The following NECTIN3 variants were observed in gnomAD, a reference collection of about 807,000 sequenced individuals.
The protein encoded by NECTIN3 is nectin cell adhesion molecule 3, also known as nectin-3.
NECTIN3 carries 8 observed loss-of-function variants against 49.4 expected under a neutral mutation model. That is an observed-to-expected ratio of 0.16 (90% confidence interval 0.10 to 0.29). The LOEUF is 0.29. NECTIN3 is among the 10% of genes least tolerant of loss of function. The pLI is 1.00. For synonymous variants in NECTIN3, 277 were observed against 241.1 expected (o/e 1.15, Z -1.38); for missense variants, 581 against 654.6 (o/e 0.89, Z 1.23).
chr3:111,143,066 A>G (rs577944259), intron 5 of NECTIN3, among the ~76,000 whole-genome samples: 1 of 151,994 alleles, frequency 6.6e-6, no homozygotes, highest in African/African-American at 2.4e-5. Context: ...GAGTAGGACC[A>G]TCTACTTTAT....
chr3:111,091,915 C>T (rs1015427935), intron 1 of NECTIN3, among the ~76,000 whole-genome samples: 1 of 152,168 alleles, frequency 6.6e-6, no homozygotes, highest in East Asian at 1.9e-4. Flanking sequence ...TATGTTCCCA[C>T]CAGCATTGGA....
chr3:111,147,854 A>G (rs548486024), intron 7 of NECTIN3, among the ~76,000 whole-genome samples: 1 of 152,184 alleles, frequency 6.6e-6, no homozygotes, highest in African/African-American at 2.4e-5. Flanking sequence ...GTAGAAAATG[A>G]ATATCTGTTG....
chr3:111,167,330 TTATC>T (rs2035337822), intron 7 of NECTIN3, among the ~76,000 whole-genome samples: 1 of 152,182 alleles, frequency 6.6e-6, no homozygotes, highest in Admixed American at 6.5e-5. Flanking sequence ...AGAAAGCACA[TTATC>T]TAACCCCTTT....
At chr3:111,085,690 A>G (rs554924850) in intron 1 of NECTIN3, among the ~76,000 whole-genome samples, 1 of 151,090 alleles carries the variant, frequency 6.6e-6, no homozygotes, top group Admixed American at 6.6e-5. Flanking sequence ...ATGTTGTTGC[A>G]TGTAGCAGTA....
intron 1 of NECTIN3, chr3:111,072,529 A>C: frequency 1.3e-6 from 2 of 1,535,870 alleles, no homozygotes; most frequent in Non-Finnish European, 1.7e-6. Context: ...AGGTGCCGGG[A>C]TGCACGTTTG....
Position 111,072,175 on chromosome 3 carries a change from G to C in NECTIN3, c.158G>C (p.Cys53Ser). 1.9e-6 allele frequency: 3 copies of C among 1,554,220 alleles called. No individual in the cohort carries two copies. Among genetic ancestry groups the C allele is most frequent in the Non-Finnish European group, 1.7e-6 (2 of 1,150,832 alleles). Residue 53 changes from cysteine (C) to serine (S), a missense_variant and splice_region_variant, in exon 1 of 6, where the codon TGT (cysteine) becomes TCT (serine). Physicochemically the swap from Cys to Ser is moderately radical, Grantham distance 112. Transcript: ENST00000485303. ...CCGCTGCTGCTCTTCTCCAGGCTCTGTGGTAGGTGAACCTCGGCGGCCGGC... is the reference window on the plus strand; with the variant it reads ...CCGCTGCTGCTCTTCTCCAGGCTCTCTGGTAGGTGAACCTCGGCGGCCGGC... ...LFPLLLFSRL[C>S]GALAGPIIVE...
chr3:111,153,812 T>G (rs758191411), intron 7 of NECTIN3, among the ~76,000 whole-genome samples: 2 of 151,828 alleles, frequency 1.3e-5, no homozygotes, highest in Non-Finnish European at 2.9e-5. Context: ...TAGTGTTTAG[T>G]TTTTTTTCTT....
chr3:111,133,960 T>A lies in NECTIN3; in HGVS notation c.1395T>A (p.Ser465=), dbSNP rs1416402006. The A allele has an allele frequency of 6.2e-7, 1 of 1,613,734 alleles. No homozygotes were observed. Among genetic ancestry groups the A allele is most frequent in the Non-Finnish European group, 8.5e-7 (1 of 1,179,816 alleles). ...TTCTTCAACAAGATGAGCTTGATTC[T>A]TACCCAGACAGTGTAAAAAAAGAAA... ...IDVLQQDELD[S]YPDSVKKENK... Residue 465 remains serine, a synonymous_variant, in exon 6 of 6, where the codon TCT becomes TCA. Coordinates refer to ENST00000485303, the MANE Select transcript of NECTIN3 (RefSeq NM_015480.3).
intron 4 of NECTIN3, among the ~76,000 whole-genome samples, chr3:111,123,667 T>G (rs969273397): frequency 7.9e-5 from 12 of 152,174 alleles, no homozygotes; most frequent in Admixed American, 6.5e-4. Context: ...GCTCTTGGCC[T>G]CCTTCTAGTT....
intron 7 of NECTIN3, among the ~76,000 whole-genome samples, chr3:111,171,370 C>T (rs2107526682): frequency 6.6e-6 from 1 of 152,296 alleles, no homozygotes; most frequent in East Asian, 1.9e-4. Flanking sequence ...TCTGTTTCCT[C>T]ATGTAAAAGG....
In NECTIN3 at chr3:111,122,242, A is replaced by G; in HGVS notation, c.917+4A>G. ...CCTTCAAATCTGTGTGGAGCAGGTAATGTTATATACTTCGAAAGAGAAATT... is the reference window on the plus strand; with the variant it reads ...CCTTCAAATCTGTGTGGAGCAGGTAGTGTTATATACTTCGAAAGAGAAATT... On this transcript the variant is annotated splice_donor_region_variant and intron_variant, in intron 4 of 5. Coordinates refer to ENST00000485303, the MANE Select transcript of NECTIN3 (RefSeq NM_015480.3). The G allele has an allele frequency of 6.3e-7, 1 of 1,580,882 alleles. No individual in the cohort carries two copies. The highest frequency in any genetic ancestry group is 8.7e-7 in the Non-Finnish European group (1 of 1,151,858).
intron 5 of NECTIN3, among the ~76,000 whole-genome samples, chr3:111,143,893 A>G (rs896687478): frequency 4.6e-5 from 7 of 152,012 alleles, no homozygotes; most frequent in African/African-American, 1.4e-4. Flanking sequence ...TTATTTATAG[A>G]ATATTATCTC....
chr3:111,089,436 T>G (rs2032126355), intron 1 of NECTIN3, among the ~76,000 whole-genome samples: 1 of 141,866 alleles, frequency 7.0e-6, no homozygotes, highest in South Asian at 2.3e-4. Flanking sequence ...TGTGTATGTA[T>G]ATAAACATAT....
intron 5 of NECTIN3, among the ~76,000 whole-genome samples, chr3:111,128,145 C>T (rs1016438938): frequency 6.6e-6 from 1 of 151,882 alleles, no homozygotes; most frequent in African/African-American, 2.4e-5. Flanking sequence ...TGAGATCAGC[C>T]TGGCCACTAT....
At chr3:111,125,114 C>A (rs540251668) in intron 4 of NECTIN3, among the ~76,000 whole-genome samples, 20 of 149,942 alleles carry the variant, frequency 1.3e-4, no homozygotes, top group Admixed American at 1.2e-3. Context: ...CTGCAACCTC[C>A]CCTTCCTGGG....
rs746177905 is a variant in NECTIN3 at position 111,133,667 on chromosome 3, A to G, written c.1102A>G (p.Ile368Val). 1.2e-6 allele frequency: 2 copies of G among 1,613,608 alleles called. No individual in the cohort carries two copies. The highest frequency in any genetic ancestry group is 2.7e-5 in the African/African-American group (2 of 74,880). ...TACTACTACCACCCTTCAGCCTACAATTCAGTGGCATCCCTCAACTGCTGA... is the reference window on the plus strand; with the variant it reads ...TACTACTACCACCCTTCAGCCTACAGTTCAGTGGCATCCCTCAACTGCTGA... ...PPTTTTLQPT[I>V]QWHPSTADIE... Residue 368 changes from isoleucine to valine, a missense_variant, in exon 6 of 6, where the codon ATT (isoleucine) becomes GTT (valine). Physicochemically the swap from Ile to Val is conservative, Grantham distance 29 (BLOSUM62 3). Transcript: ENST00000485303.
chr3:111,084,811 T>C (rs1311146343), intron 1 of NECTIN3, among the ~76,000 whole-genome samples: 1 of 152,294 alleles, frequency 6.6e-6, no homozygotes, highest in Admixed American at 6.5e-5. Context: ...AGTTATTGAA[T>C]GGAAGATTGA....
chr3:111,136,242 TG>T lies in NECTIN3; in HGVS notation c.*2029del. 1 of 960,750 alleles carries T rather than the reference TG, an allele frequency of 1.0e-6. No individual in the cohort carries two copies. Among genetic ancestry groups the T allele is most frequent in the Non-Finnish European group, 1.2e-6 (1 of 807,740 alleles). The allele number at this position is 960,750 out of a possible 1,614,324, so 59.5% of individuals were successfully genotyped here. ...TTTAGGATTCTATATAAATCTCAAC[TG>T]GAGTATAATCTGAAGGAAATTAGCA... On this transcript the variant is annotated 3_prime_UTR_variant, in exon 6 of 6. Coordinates refer to ENST00000485303, the MANE Select transcript of NECTIN3 (RefSeq NM_015480.3).
chr3:111,136,628 GAT>G lies in NECTIN3; in HGVS notation c.*2416_*2417del. 1.1e-6 allele frequency: 1 copy of G among 909,868 alleles called. No individual in the cohort carries two copies. The highest frequency in any genetic ancestry group is 1.8e-5 in the African/African-American group (1 of 55,488). The allele number at this position is 909,868 out of a possible 1,614,324, so 56.4% of individuals were successfully genotyped here. ...GTTAAATTAGTTTTTGAATACCAGT[GAT>G]ATTCATAACTACTTGACAGGTATAT... On this transcript the variant is annotated 3_prime_UTR_variant, in exon 6 of 6. Coordinates refer to ENST00000485303, the MANE Select transcript of NECTIN3 (RefSeq NM_015480.3).
Sources: allele counts gnomAD v4.1 joint callset (sites outside exome capture counted in the v4.1 genomes callset), GRCh38; gene constraint gnomAD v4.1.1; transcripts MANE v1.5; gene names NCBI Gene and HGNC (gene_info 2026-07-23, HGNC 2026-07-21).